PPP1R16B: variants seen among roughly 807,000 people sequenced by gnomAD.
The protein encoded by PPP1R16B is protein phosphatase 1 regulatory inhibitor subunit 16B.
Under a neutral mutation model 61.7 loss-of-function variants are expected in PPP1R16B, and 14 were observed. The ratio of observed to expected loss-of-function variants is 0.23; its 90% CI spans 0.15 to 0.35. The LOEUF (loss-of-function observed/expected upper bound fraction) is 0.35, where lower values mean the gene tolerates loss of function less well. Among genes scored for constraint, PPP1R16B ranks in the 10% least tolerant of loss-of-function variants. The probability of loss-of-function intolerance (pLI) is 1.00; values close to 1 mark genes in which losing one functional copy is unlikely to be tolerated. For synonymous variants in PPP1R16B, 266 were observed against 305.3 expected, an observed-to-expected ratio of 0.87 and a Z score of 1.34; for missense variants, 547 against 752.5, an observed-to-expected ratio of 0.73 and a Z score of 3.19.
intron 7 of PPP1R16B, 38 bp downstream of exon 7, chr20:38,906,132 C>G: frequency 1.3e-6 from 2 of 1,586,760 alleles, no homozygotes; most frequent in Middle Eastern, 1.7e-4. Context: ...GAGGCCGGCA[C>G]AGGGCTAACC....
At chr20:38,917,301 A>G (rs982656062) in intron 10 of PPP1R16B, among the ~76,000 whole-genome samples, 14 of 152,092 alleles carry the variant, frequency 9.2e-5, no homozygotes, top group African/African-American at 3.1e-4. Flanking sequence ...GTCTCAAAAA[A>G]AAAAAAAAAA....
In PPP1R16B at chr20:38,806,330, A is replaced by G. The variant is rs907681962; in HGVS notation, c.-102+538A>G. On this transcript the variant is annotated intron_variant, in intron 1 of 10. Coordinates refer to ENST00000299824, the MANE Select transcript of PPP1R16B (RefSeq NM_015568.4). This position sits in a 1 kb window ranked among gnomAD's most constrained non-coding sequence, Gnocchi z 4.5. ...CCCGGGCGGGAAAGATCCCCAAGGC[A>G]GGCGCCTCCACCTGCAGACCCGCCC... Among the ~76,000 whole-genome samples, 3 of 151,862 alleles carry G rather than the reference A, an allele frequency of 2.0e-5. No homozygotes were observed. The highest frequency in any genetic ancestry group is 6.5e-5 in the Admixed American group (1 of 15,274).
intron 3 of PPP1R16B, 71 bp downstream of exon 3, chr20:38,889,736 C>G (rs1252152996): frequency 6.9e-7 from 1 of 1,446,052 alleles, no homozygotes; most frequent in Non-Finnish European, 9.7e-7. Flanking sequence ...TTTCTCGGCA[C>G]TTTCCTGCTC....
intron 1 of PPP1R16B, among the ~76,000 whole-genome samples, chr20:38,823,363 A>G (rs2084784484): frequency 6.6e-6 from 1 of 152,230 alleles, no homozygotes; most frequent in African/African-American, 2.4e-5. Context: ...CACTGAGGCC[A>G]GGCACGGTGG....
At chr20:38,857,013 T>C (rs552739442) in intron 2 of PPP1R16B, among the ~76,000 whole-genome samples, 1 of 152,368 alleles carries the variant, frequency 6.6e-6, no homozygotes, top group East Asian at 1.9e-4. Flanking sequence ...CAAATGCTCA[T>C]GGTCCCCACC....
chr20:38,812,991 G>A (rs141201709), intron 1 of PPP1R16B, among the ~76,000 whole-genome samples: 3 of 152,238 alleles, frequency 2.0e-5, no homozygotes, highest in African/African-American at 7.2e-5. Flanking sequence ...GTGTCAAGCT[G>A]CTAGTCTGTG....
At chr20:38,863,270 C>T (rs537411189) in intron 2 of PPP1R16B, among the ~76,000 whole-genome samples, 11 of 152,140 alleles carry the variant, frequency 7.2e-5, no homozygotes, top group South Asian at 2.1e-4. Context: ...CTGGTCTGAC[C>T]GCAGAGACCT....
intron 10 of PPP1R16B, among the ~76,000 whole-genome samples, chr20:38,917,182 G>C (rs934012362): frequency 2.0e-5 from 3 of 151,898 alleles, no homozygotes; most frequent in Admixed American, 6.6e-5. Context: ...TGTAATCCCA[G>C]CTACTCGGGA....
chr20:38,902,582 A>G, intron 5 of PPP1R16B, 86 bp from the exon 6 acceptor site: 1 of 1,560,838 alleles, frequency 6.4e-7, no homozygotes, highest in Non-Finnish European at 8.8e-7. Flanking sequence ...AGGGAACAAG[A>G]GCCATGCCTC....
At position 38,806,688 on chromosome 20, in the gene PPP1R16B, C is replaced by T; in HGVS notation, c.-102+896C>T. 6.6e-6 allele frequency among the ~76,000 whole-genome samples: 1 copy of T among 152,314 alleles called. No individual in the cohort carries two copies. The highest frequency in any genetic ancestry group is 1.9e-4 in the East Asian group (1 of 5,162). ...CAGGCGCTCGCTGCCCTCCTCCTTCCCCCATGTAGACTCCCTTCCTCCGCT... is the reference window on the plus strand; with the variant it reads ...CAGGCGCTCGCTGCCCTCCTCCTTCTCCCATGTAGACTCCCTTCCTCCGCT... On this transcript the variant is annotated intron_variant, in intron 1 of 10. Transcript: ENST00000299824. This position sits in a 1 kb window ranked among gnomAD's most constrained non-coding sequence, Gnocchi z 4.5.
intron 1 of PPP1R16B, among the ~76,000 whole-genome samples, chr20:38,817,703 A>G (rs1363384227): frequency 6.6e-6 from 1 of 152,198 alleles, no homozygotes; most frequent in Non-Finnish European, 1.5e-5. Flanking sequence ...TCAAAGAACA[A>G]GAGGAGTTTG....
In PPP1R16B at chr20:38,836,162, C is replaced by A. The variant is rs1394123512; in HGVS notation, c.237C>A (p.Asn79Lys). ...CCCTGCTGGAGGCCTCGCTGAGGAA[C>A]GACGCCGAGGAAGGTAGGCCCCTCT... ...SVALLEASLR[N>K]DAEEVRYFLK... Residue 79 changes from asparagine to lysine, a missense_variant, in exon 2 of 11, where the codon AAC becomes AAA. By Grantham distance (94) the Asn-to-Lys change is moderately conservative. Coordinates refer to ENST00000299824, the MANE Select transcript of PPP1R16B (RefSeq NM_015568.4). 1.2e-6 allele frequency: 2 copies of A among 1,610,336 alleles called. No homozygotes were observed. Among genetic ancestry groups the A allele is most frequent in the Admixed American group, 1.7e-5 (1 of 59,990 alleles).
At chr20:38,864,478 G>T (rs922188963) in intron 2 of PPP1R16B, among the ~76,000 whole-genome samples, 3 of 152,122 alleles carry the variant, frequency 2.0e-5, no homozygotes, top group Non-Finnish European at 4.4e-5. Context: ...ACAACCTTTT[G>T]GGAGGTCCTT....
chr20:38,856,779 A>C (rs371392625), intron 2 of PPP1R16B, among the ~76,000 whole-genome samples: 1 of 152,248 alleles, frequency 6.6e-6, no homozygotes, highest in South Asian at 2.1e-4. Context: ...AGGCTTAAAA[A>C]GTCTAACAAC....
At chr20:38,885,357 A>G (rs562724319) in intron 2 of PPP1R16B, among the ~76,000 whole-genome samples, 16 of 152,310 alleles carry the variant, frequency 1.1e-4, no homozygotes, top group Admixed American at 5.2e-4. Context: ...CCATTTGTGC[A>G]TCCTTGAACT....
At chr20:38,856,492 T>C (rs922879808) in intron 2 of PPP1R16B, among the ~76,000 whole-genome samples, 2 of 152,084 alleles carry the variant, frequency 1.3e-5, no homozygotes, top group Non-Finnish European at 2.9e-5. Flanking sequence ...AGCAGGTAGG[T>C]GTGGTGAGTT....
intron 1 of PPP1R16B, among the ~76,000 whole-genome samples, chr20:38,810,167 G>A (rs757353600): frequency 1.3e-5 from 2 of 152,240 alleles, no homozygotes; most frequent in East Asian, 3.8e-4. Context: ...CCAGGTGGTA[G>A]GGCAGCCCTA....
chr20:38,868,127 T>G (rs2145742437), intron 2 of PPP1R16B, among the ~76,000 whole-genome samples: 1 of 152,344 alleles, frequency 6.6e-6, no homozygotes, highest in Non-Finnish European at 1.5e-5. Flanking sequence ...TTCAGGGCTT[T>G]CTTGTTACTG....
At chr20:38,883,080 G>A (rs1196104609) in intron 2 of PPP1R16B, among the ~76,000 whole-genome samples, 1 of 152,200 alleles carries the variant, frequency 6.6e-6, no homozygotes, top group Non-Finnish European at 1.5e-5. Flanking sequence ...GGGCAGGAAA[G>A]GAAGGAAGAG....
Sources: gnomAD v4.1 joint callset for allele counts (sites outside exome capture counted in the v4.1 genomes callset) on GRCh38, gnomAD v4.1.1 for gene constraint, Gnocchi (gnomAD v3.1) non-coding constraint, MANE v1.5 for transcripts, NCBI Gene and HGNC (gene_info 2026-07-23, HGNC 2026-07-21) for gene names.